Variants in LOXL2 observed in about 807,000 individuals in gnomAD.
LOXL2 encodes lysyl oxidase homolog 2.
A neutral mutation model predicts 93.0 loss-of-function variants in LOXL2; 70 were observed. The ratio of observed to expected loss-of-function variants is 0.75; its 90% CI spans 0.62 to 0.92. The LOEUF (loss-of-function observed/expected upper bound fraction) is 0.92. Ranked by LOEUF, LOXL2 falls within the 40% of genes least tolerant of loss-of-function variation. LOXL2 has a pLI of 0.00. For missense variants in LOXL2, 973 were observed against 1,054.9 expected, an observed-to-expected ratio of 0.92 and a Z score of 1.08; for synonymous variants, 438 against 413.2, an observed-to-expected ratio of 1.06 and a Z score of -0.73.
chr8:23,317,962 G>A (rs78780672), intron 8 of LOXL2, among the ~76,000 whole-genome samples: 2 of 34,746 alleles, frequency 5.8e-5, no homozygotes, highest in East Asian at 1.4e-3. Flanking sequence ...GGAAGTATTA[G>A]TATCTCATCT....
At chr8:23,308,986 A>AT (rs763862653) in intron 10 of LOXL2, among the ~76,000 whole-genome samples, 1,491 of 141,764 alleles carry the variant, frequency 0.011, 18 homozygotes, top group Non-Finnish European at 0.017. Context: ...ATATATATAT[A>AT]TATATTTTTT....
intron 1 of LOXL2, among the ~76,000 whole-genome samples, chr8:23,374,353 T>G (rs1804550464): frequency 1.3e-5 from 2 of 152,308 alleles, no homozygotes; most frequent in Admixed American, 1.3e-4. Context: ...CTATCTTTGA[T>G]GAACATTTGG....
intron 1 of LOXL2, among the ~76,000 whole-genome samples, chr8:23,401,335 G>A (rs529370564): frequency 1.3e-5 from 2 of 152,094 alleles, no homozygotes; most frequent in East Asian, 3.9e-4. Flanking sequence ...ACATTTTGAG[G>A]AAAATTGGGA....
rs748461342 is a variant in LOXL2 at position 23,328,481 on chromosome 8, A to C, written c.1051T>G (p.Cys351Gly). ...VLKNGEWGTV[C>G]DDKWDLVSAS... ...GACACCAGGTCCCACTTGTCGTCGC[A>C]GACGGTCCCCCATTCTCCATTTTTG... is the stretch of plus-strand genomic sequence containing the variant. Residue 351 changes from cysteine (C) to glycine (G), a missense_variant, in exon 6 of 14, where the codon TGC becomes GGC. Cys to Gly is a radical substitution (Grantham distance 159). Coordinates refer to ENST00000389131, the MANE Select transcript of LOXL2 (RefSeq NM_002318.3). 1.1e-5 allele frequency: 17 copies of C among 1,614,092 alleles called. No homozygotes were observed. Among genetic ancestry groups the C allele is most frequent in the Non-Finnish European group, 1.3e-5 (15 of 1,180,016 alleles).
intron 4 of LOXL2, among the ~76,000 whole-genome samples, chr8:23,334,527 C>T (rs1393636963): frequency 1.3e-5 from 2 of 152,218 alleles, no homozygotes; most frequent in African/African-American, 4.8e-5. Context: ...GGTAATGCAA[C>T]TACTGCTTCC....
intron 3 of LOXL2, among the ~76,000 whole-genome samples, chr8:23,342,578 CA>C (rs1563196303): frequency 6.6e-6 from 1 of 151,880 alleles, no homozygotes; most frequent in Non-Finnish European, 1.5e-5. Flanking sequence ...ACTACAGGCG[CA>C]CGCCACCACA....
intron 1 of LOXL2, among the ~76,000 whole-genome samples, chr8:23,399,393 T>G (rs1800130482): frequency 6.6e-6 from 1 of 152,148 alleles, no homozygotes; most frequent in African/African-American, 2.4e-5. Context: ...TTTTGAGAGG[T>G]GGGGCCTTTA....
In LOXL2 at chr8:23,297,812, A is replaced by C; in HGVS notation, c.*231T>G. ...TGCTGCTCCAGCAGCTCTGTGGACA[A>C]ACCCCACCCCCGCAAGGCCTTCTCA... On this transcript the variant is annotated 3_prime_UTR_variant, in exon 14 of 14. Transcript: ENST00000389131. 1 of 499,598 alleles carries C rather than the reference A, an allele frequency of 2.0e-6. No individual in the cohort carries two copies. Among genetic ancestry groups the C allele is most frequent in the South Asian group, 2.8e-5 (1 of 36,148 alleles). 30.9% of individuals were successfully genotyped at this position (499,598 alleles called of 1,614,324 possible).
intron 9 of LOXL2, among the ~76,000 whole-genome samples, chr8:23,311,881 G>A (rs1803323858): frequency 1.3e-5 from 2 of 152,224 alleles, no homozygotes; most frequent in Non-Finnish European, 2.9e-5. Context: ...TGGTCAGGAG[G>A]CTGCTTTGGG....
At chr8:23,374,153 A>G (rs1418892970) in intron 1 of LOXL2, among the ~76,000 whole-genome samples, 1 of 127,656 alleles carries the variant, frequency 7.8e-6, no homozygotes, top group Non-Finnish European at 1.6e-5. Flanking sequence ...CCTGTGTCCA[A>G]GTGTTCTCAT....
intron 3 of LOXL2, among the ~76,000 whole-genome samples, chr8:23,346,299 A>G (rs576116339): frequency 7.2e-5 from 11 of 152,300 alleles, no homozygotes; most frequent in South Asian, 2.1e-4. Flanking sequence ...ACCTGATGCT[A>G]TCCCTCTTGC....
intron 8 of LOXL2, among the ~76,000 whole-genome samples, chr8:23,318,366 G>A (rs182659712): frequency 6.6e-6 from 1 of 152,060 alleles, no homozygotes; most frequent in Non-Finnish European, 1.5e-5. Context: ...CATGCTGTGT[G>A]TGTGAGAGAT....
intron 1 of LOXL2, among the ~76,000 whole-genome samples, chr8:23,382,210 C>T (rs1417953252): frequency 6.6e-6 from 1 of 152,118 alleles, no homozygotes; most frequent in Non-Finnish European, 1.5e-5. Flanking sequence ...TAGACACATT[C>T]TGACCTGTGA....
chr8:23,396,092 G>A (rs553512488), intron 1 of LOXL2, among the ~76,000 whole-genome samples: 14 of 152,216 alleles, frequency 9.2e-5, no homozygotes, highest in Admixed American at 2.0e-4. Context: ...GGGAGGCTGC[G>A]GCAGGATCCT....
In LOXL2 at chr8:23,296,931, G is replaced by A. The variant is rs7846433; in HGVS notation, c.*1112C>T. Among the ~76,000 whole-genome samples, 2 of 152,210 alleles carry A rather than the reference G, an allele frequency of 1.3e-5. No homozygotes were observed. Among genetic ancestry groups the A allele is most frequent in the Admixed American group, 1.3e-4 (2 of 15,292 alleles). ...GTAAAAACCACAGGAGTTCAAGAAA[G>A]ATTATGACTCCTGTTCCGTTACTTT... On this transcript the variant is annotated 3_prime_UTR_variant, in exon 14 of 14. Coordinates refer to ENST00000389131, the MANE Select transcript of LOXL2 (RefSeq NM_002318.3).
intron 3 of LOXL2, among the ~76,000 whole-genome samples, chr8:23,357,931 G>C (rs1804225683): frequency 1.3e-5 from 2 of 152,224 alleles, no homozygotes; most frequent in South Asian, 4.1e-4. Context: ...AAGAGAATTT[G>C]GGAGTTGGAG....
intron 1 of LOXL2, among the ~76,000 whole-genome samples, chr8:23,397,203 G>A (rs1800101755): frequency 1.4e-5 from 2 of 145,770 alleles, no homozygotes; most frequent in African/African-American, 5.1e-5. Context: ...ATTGGTCGGA[G>A]GGGGAGAGTG....
chr8:23,401,131 T>A (rs948382598), intron 1 of LOXL2, among the ~76,000 whole-genome samples: 6 of 152,190 alleles, frequency 3.9e-5, no homozygotes, highest in African/African-American at 1.4e-4. Flanking sequence ...AGCTGTGCCC[T>A]CTGGACAGCT....
chr8:23,349,572 C>A (rs900632014), intron 3 of LOXL2, among the ~76,000 whole-genome samples: 2 of 151,596 alleles, frequency 1.3e-5, no homozygotes, highest in African/African-American at 4.9e-5. Flanking sequence ...CCAAATAGGA[C>A]GTCCACACGT....
Sources: allele counts gnomAD v4.1 joint callset (sites outside exome capture counted in the v4.1 genomes callset), GRCh38; gene constraint gnomAD v4.1.1; transcripts MANE v1.5; gene names NCBI Gene and HGNC (gene_info 2026-07-23, HGNC 2026-07-21).